Variants in POU2AF2 observed in about 807,000 individuals in gnomAD.
POU2AF2 encodes POU domain class 2-associating factor 2.
the POU2AF2 span, among the ~76,000 whole-genome samples, chr11:111,276,453 AATATATATATATATAT>A: frequency 1.9e-4 from 7 of 37,676 alleles, no homozygotes; most frequent in African/African-American, 5.8e-4. Flanking sequence ...AAAAAAAAAA[AATATATATATATATAT>A]ATATATATAT....
chr11:111,264,692 CAG>C, the POU2AF2 span, among the ~76,000 whole-genome samples: 2 of 106,880 alleles, frequency 1.9e-5, no homozygotes, highest in Non-Finnish European at 3.8e-5. Flanking sequence ...GAGAGAAAGA[CAG>C]AGAAAGAAAG....
chr11:111,253,938 G>A, the POU2AF2 span, among the ~76,000 whole-genome samples: 4 of 152,072 alleles, frequency 2.6e-5, no homozygotes, highest in Non-Finnish European at 5.9e-5. Context: ...TGCCTTCCCT[G>A]AGTCTCTCTC....
chr11:111,262,738 A>C, the POU2AF2 span, among the ~76,000 whole-genome samples: 13 of 152,198 alleles, frequency 8.5e-5, no homozygotes, highest in Non-Finnish European at 1.5e-4. Context: ...CCATAAAAGC[A>C]GAGAGTTGGG....
the POU2AF2 span, among the ~76,000 whole-genome samples, chr11:111,275,540 A>T: frequency 6.6e-6 from 1 of 152,180 alleles, no homozygotes; most frequent in Non-Finnish European, 1.5e-5. Flanking sequence ...CTCCCCATAG[A>T]TAGAAACATA....
At chr11:111,253,919 G>A in the POU2AF2 span, among the ~76,000 whole-genome samples, 1 of 152,044 alleles carries the variant, frequency 6.6e-6, no homozygotes, top group Non-Finnish European at 1.5e-5. Flanking sequence ...CCCAACTCAG[G>A]TATCACCCTG....
At chr11:111,281,382 T>C in the POU2AF2 span, 3 of 1,599,562 alleles carry the variant, frequency 1.9e-6, no homozygotes, top group African/African-American at 2.7e-5. Flanking sequence ...ACACTTGAAT[T>C]CTGTTTACCT....
chr11:111,256,028 A>C, the POU2AF2 span: 1 of 399,238 alleles, frequency 2.5e-6, no homozygotes. Context: ...GTGAGAGTGA[A>C]GCATACAGTC....
the POU2AF2 span, among the ~76,000 whole-genome samples, chr11:111,276,401 T>C: frequency 7.2e-6 from 1 of 138,478 alleles, no homozygotes; most frequent in Non-Finnish European, 1.5e-5. Flanking sequence ...ATTGAGACCA[T>C]CCTGGCCAAC....
chr11:111,283,979 T>C, the POU2AF2 span: 3 of 1,112,978 alleles, frequency 2.7e-6, no homozygotes, highest in East Asian at 2.4e-5. Flanking sequence ...AGGCACGCGT[T>C]AGTAACATCG....
At chr11:111,281,290 A>G in the POU2AF2 span, 3 of 865,166 alleles carry the variant, frequency 3.5e-6, no homozygotes, top group South Asian at 5.8e-5. Context: ...AACTCCCCAG[A>G]TAATACTTCT....
At chr11:111,247,058 G>T in the POU2AF2 span, among the ~76,000 whole-genome samples, 13 of 151,906 alleles carry the variant, frequency 8.6e-5, no homozygotes, top group African/African-American at 2.9e-4. Flanking sequence ...GTGAGATCAT[G>T]CAATATTTTT....
chr11:111,259,205 A>G, the POU2AF2 span, among the ~76,000 whole-genome samples: 1 of 152,126 alleles, frequency 6.6e-6, no homozygotes, highest in African/African-American at 2.4e-5. Context: ...TGATATTTAC[A>G]GTTTCCCAGT....
the POU2AF2 span, chr11:111,255,999 C>T: frequency 1.0e-5 from 4 of 399,254 alleles, no homozygotes; most frequent in African/African-American, 4.1e-5. Flanking sequence ...GAGACTACAG[C>T]AAACGAGTGT....
chr11:111,254,153 T>C, the POU2AF2 span, among the ~76,000 whole-genome samples: 1 of 152,226 alleles, frequency 6.6e-6, no homozygotes, highest in East Asian at 1.9e-4. Flanking sequence ...ACCTTAGGCT[T>C]TTCCAAAAGT....
the POU2AF2 span, among the ~76,000 whole-genome samples, chr11:111,284,768 C>T: frequency 6.6e-6 from 1 of 152,168 alleles, no homozygotes; most frequent in Non-Finnish European, 1.5e-5. Flanking sequence ...TGAGATGGAT[C>T]ATAATCTCCC....
At chr11:111,264,934 AAGAG>A in the POU2AF2 span, among the ~76,000 whole-genome samples, 3 of 136,574 alleles carry the variant, frequency 2.2e-5, no homozygotes, top group African/African-American at 5.3e-5. Context: ...AGAAGAAAGA[AAGAG>A]GGAGGGAGGG....
At chr11:111,251,255 A>C in the POU2AF2 span, among the ~76,000 whole-genome samples, 1 of 152,186 alleles carries the variant, frequency 6.6e-6, no homozygotes, top group African/African-American at 2.4e-5. Context: ...GGAATTGCTA[A>C]AGAATAGGCT....
chr11:111,263,064 A>G, the POU2AF2 span, among the ~76,000 whole-genome samples: 1 of 152,168 alleles, frequency 6.6e-6, no homozygotes, highest in African/African-American at 2.4e-5. Flanking sequence ...CTACTTATTT[A>G]ACAAAAATCC....
chr11:111,258,437 T>C, the POU2AF2 span, among the ~76,000 whole-genome samples: 2 of 152,162 alleles, frequency 1.3e-5, no homozygotes, highest in Admixed American at 6.5e-5. Flanking sequence ...TCAATGCCTG[T>C]ATACAAATGA....
Sources: gnomAD v4.1 joint callset for allele counts (sites outside exome capture counted in the v4.1 genomes callset) on GRCh38, gnomAD v4.1.1 for gene constraint, MANE v1.5 for transcripts, NCBI Gene and HGNC (gene_info 2026-07-23, HGNC 2026-07-21) for gene names.